RELCH: variants seen among roughly 807,000 people sequenced by gnomAD.
RELCH encodes RAB11-binding protein RELCH.
In RELCH, 41 loss-of-function variants were observed where a neutral mutation model predicts 150.3. That is an observed-to-expected ratio of 0.27 (90% CI 0.21 to 0.35). The LOEUF (loss-of-function observed/expected upper bound fraction) is 0.35. RELCH is among the 10% of genes least tolerant of loss of function. RELCH has a pLI of 1.00. For missense variants in RELCH, 1,092 were observed against 1,467.8 expected (o/e 0.74, Z 4.18); for synonymous variants, 478 against 531.8 (o/e 0.90, Z 1.39).
intron 25 of RELCH, among the ~76,000 whole-genome samples, chr18:62,283,172 CAG>C (rs1280661857): frequency 6.6e-6 from 1 of 152,080 alleles, no homozygotes; most frequent in East Asian, 1.9e-4. Context: ...TTATGAAAAA[CAG>C]ACATTTCTTC....
At chr18:62,293,296 A>AGG in intron 27 of RELCH, among the ~76,000 whole-genome samples, 1 of 152,192 alleles carries the variant, frequency 6.6e-6, no homozygotes, top group South Asian at 2.1e-4. Flanking sequence ...TATGCAGTTG[A>AGG]GGGGGCTGGC....
rs757028191 is a variant in RELCH, at chr18:62,264,004, G to A, written c.2366G>A (p.Arg789Gln). 8.1e-6 allele frequency: 13 copies of A among 1,605,970 alleles called. No individual in the cohort carries two copies. Among genetic ancestry groups the A allele is most frequent in the East Asian group, 4.5e-5 (2 of 44,032 alleles). Residue 789 changes from arginine to glutamine, a missense_variant, in exon 17 of 29, where the codon CGG becomes CAG. Arg to Gln is a conservative substitution (Grantham distance 43, BLOSUM62 1). Coordinates refer to ENST00000644646, the MANE Select transcript of RELCH (RefSeq NM_001346231.2). Reference protein sequence around the residue: ...VPQIEVTRFPRPMSPLQDVST... With the variant: ...VPQIEVTRFPQPMSPLQDVST... Reference sequence around the variant, plus strand: ...TTATGTGTAGTGACTAGGTTTCCTCGGCCTATGTCGCCTCTTCAAGATGTG... The same window carrying A: ...TTATGTGTAGTGACTAGGTTTCCTCAGCCTATGTCGCCTCTTCAAGATGTG...
chr18:62,277,759 A>C (rs1401884688), intron 22 of RELCH: 1 of 827,866 alleles, frequency 1.2e-6, no homozygotes, highest in African/African-American at 1.8e-5. Context: ...TAAATAAGGG[A>C]ATATAAATTA....
At chr18:62,222,187 A>G (rs2040919232) in intron 5 of RELCH, among the ~76,000 whole-genome samples, 2 of 151,986 alleles carry the variant, frequency 1.3e-5, no homozygotes, top group South Asian at 2.1e-4. Context: ...AAAATCTCCT[A>G]TAGATCCTTT....
At chr18:62,291,678 A>G in intron 27 of RELCH, 47 bp downstream of exon 27, 1 of 1,222,512 alleles carries the variant, frequency 8.2e-7, no homozygotes, top group Non-Finnish European at 1.2e-6. Context: ...TTAATACCTC[A>G]TATATAGACT....
At chr18:62,200,381 T>C (rs917219299) in intron 1 of RELCH, among the ~76,000 whole-genome samples, 5 of 152,190 alleles carry the variant, frequency 3.3e-5, no homozygotes, top group Non-Finnish European at 5.9e-5. Context: ...CATAAGTACA[T>C]AGCTTCAGTT....
At chr18:62,294,289 C>G (rs1192786515) in intron 27 of RELCH, among the ~76,000 whole-genome samples, 1 of 152,128 alleles carries the variant, frequency 6.6e-6, no homozygotes, top group Non-Finnish European at 1.5e-5. Flanking sequence ...AAATTGTTTT[C>G]CAAAATGCTA....
At chr18:62,258,193 C>A in intron 14 of RELCH, 105 bp downstream of exon 14, 1 of 1,095,038 alleles carries the variant, frequency 9.1e-7, no homozygotes. Context: ...ATAAGGATGG[C>A]AGGTATGTCA....
chr18:62,232,313 T>C lies in RELCH; in HGVS notation c.1525-19T>C. Reference sequence around the variant, plus strand: ...GAAGTTCTCCACTATCATTGTTTATTAATTCTTTGGTTTTCTAGGTGTCTC... The same window carrying C: ...GAAGTTCTCCACTATCATTGTTTATCAATTCTTTGGTTTTCTAGGTGTCTC... On this transcript the variant is annotated intron_variant, in intron 9 of 28. Transcript: ENST00000644646. The C allele has an allele frequency of 6.6e-7, 1 of 1,526,128 alleles. No homozygotes were observed. Among genetic ancestry groups the C allele is most frequent in the Non-Finnish European group, 9.1e-7 (1 of 1,101,146 alleles). 94.5% of individuals were successfully genotyped at this position (1,526,128 alleles called of 1,614,324 possible).
At chr18:62,200,920 C>T (rs2039388125) in intron 1 of RELCH, among the ~76,000 whole-genome samples, 1 of 148,720 alleles carries the variant, frequency 6.7e-6, no homozygotes, top group African/African-American at 2.5e-5. Flanking sequence ...CTTTGACATA[C>T]ATCTCTGAGA....
At chr18:62,264,298 AT>A (rs1398964532) in intron 17 of RELCH, among the ~76,000 whole-genome samples, 153 bp downstream of exon 17, 3 of 152,090 alleles carry the variant, frequency 2.0e-5, no homozygotes, top group Non-Finnish European at 4.4e-5. Context: ...ACCATTGGAT[AT>A]GTAATTTATC....
At chr18:62,276,700 G>A (rs183265675) in intron 22 of RELCH, among the ~76,000 whole-genome samples, 3 of 152,144 alleles carry the variant, frequency 2.0e-5, no homozygotes, top group Admixed American at 1.3e-4. Context: ...TTTCAAATAC[G>A]TAAATTAGAT....
chr18:62,223,606 C>A (rs1293198268), intron 5 of RELCH, among the ~76,000 whole-genome samples: 2 of 151,994 alleles, frequency 1.3e-5, no homozygotes, highest in African/African-American at 4.8e-5. Flanking sequence ...ATATCAAAAC[C>A]AGACAAAGAC....
intron 10 of RELCH, among the ~76,000 whole-genome samples, chr18:62,234,326 T>C (rs1423937819): frequency 1.3e-5 from 2 of 151,528 alleles, no homozygotes; most frequent in East Asian, 3.9e-4. Flanking sequence ...TTGGGTTTTT[T>C]TTTTTATTTG....
intron 11 of RELCH, among the ~76,000 whole-genome samples, chr18:62,249,370 A>G (rs2042583509): frequency 6.6e-6 from 1 of 152,192 alleles, no homozygotes; most frequent in African/African-American, 2.4e-5. Context: ...TGCTCTTTTC[A>G]GTATCCAGCT....
At chr18:62,224,076 G>A (rs573243394) in intron 5 of RELCH, among the ~76,000 whole-genome samples, 48 of 152,024 alleles carry the variant, frequency 3.2e-4, no homozygotes, top group Admixed American at 4.6e-4. Flanking sequence ...CCATCACCTC[G>A]TCATTTACAT....
intron 28 of RELCH, among the ~76,000 whole-genome samples, chr18:62,303,376 A>G (rs1254568279): frequency 2.0e-5 from 3 of 152,208 alleles, no homozygotes; most frequent in East Asian, 3.8e-4. Flanking sequence ...GTATGCAGGT[A>G]TTGGTTAAGT....
rs1157034530 is a variant in RELCH, at chr18:62,187,881, C to CT, written c.376_377insT (p.Arg126LeufsTer57). On this transcript the variant is annotated frameshift_variant, in exon 1 of 29. Transcript: ENST00000644646. LOFTEE classifies it high-confidence loss of function. ...GTTAGAGAGTGGCCGGGAGCTGCCTCGGCTGCGCGACTACTTCTCCAATCC... is the reference window on the plus strand; with the variant it reads ...GTTAGAGAGTGGCCGGGAGCTGCCTCTGGCTGCGCGACTACTTCTCCAATCC... 1 of 1,593,990 alleles carries CT rather than the reference C, an allele frequency of 6.3e-7. No individual in the cohort carries two copies. The highest frequency in any genetic ancestry group is 1.8e-5 in the Admixed American group (1 of 55,898).
chr18:62,293,400 TAACTC>T (rs1314109585), intron 27 of RELCH, among the ~76,000 whole-genome samples: 1 of 152,164 alleles, frequency 6.6e-6, no homozygotes, highest in Non-Finnish European at 1.5e-5. Context: ...GGCAGGCTGA[TAACTC>T]AAGCAGTATT....
Sources: gnomAD v4.1 joint callset for allele counts (sites outside exome capture counted in the v4.1 genomes callset) on GRCh38, gnomAD v4.1.1 for gene constraint, MANE v1.5 for transcripts, NCBI Gene and HGNC (gene_info 2026-07-23, HGNC 2026-07-21) for gene names.